SOS2: variants seen among roughly 807,000 people sequenced by gnomAD.
The protein encoded by SOS2 is SOS Ras/Rho guanine nucleotide exchange factor 2.
In SOS2, 65 loss-of-function variants were observed where a neutral mutation model predicts 148.2. The observed-to-expected ratio is 0.44, with a 90% CI of 0.36 to 0.54. SOS2 has a LOEUF of 0.54. SOS2 is among the 20% of genes least tolerant of loss of function. The probability of loss-of-function intolerance (pLI) is 0.00; values close to 1 mark genes in which losing one functional copy is unlikely to be tolerated. For missense variants in SOS2, 1,341 were observed against 1,590.2 expected (o/e 0.84, Z 2.67); for synonymous variants, 539 against 537.1 (o/e 1.00, Z -0.05).
intron 1 of SOS2, among the ~76,000 whole-genome samples, chr14:50,224,340 CA>C (rs1367366513): frequency 6.8e-6 from 1 of 146,064 alleles, no homozygotes; most frequent in Non-Finnish European, 1.5e-5. Context: ...CACACACACA[CA>C]CACACACACA....
chr14:50,188,947 C>T (rs1886015116), intron 4 of SOS2, among the ~76,000 whole-genome samples: 1 of 151,710 alleles, frequency 6.6e-6, no homozygotes, highest in African/African-American at 2.4e-5. Context: ...GCTTGTAATC[C>T]CAGCTATTTG....
chr14:50,174,949 C>T (rs1401382309), intron 7 of SOS2, among the ~76,000 whole-genome samples: 1 of 152,184 alleles, frequency 6.6e-6, no homozygotes, highest in Non-Finnish European at 1.5e-5. Flanking sequence ...TGATTTATAA[C>T]TATTTCACTA....
intron 3 of SOS2, 28 bp downstream of exon 3, chr14:50,200,925 C>T: frequency 6.2e-7 from 1 of 1,605,832 alleles, no homozygotes; most frequent in South Asian, 1.1e-5. Context: ...AAAGAACACC[C>T]CCCAACTAAT....
chr14:50,221,618 G>GA, intron 1 of SOS2, among the ~76,000 whole-genome samples: 1 of 152,170 alleles, frequency 6.6e-6, no homozygotes, highest in South Asian at 2.1e-4. Flanking sequence ...TAGCCTAGTG[G>GA]AAAAATACAT....
rs367829144 is a variant in SOS2 at position 50,220,405 on chromosome 14, C to CAAAAAAAAA, written c.87+10783_87+10791dup. ...TGGGCGACAGAGCGAGACTCCATCT[C>CAAAAAAAAA]AAAAAAAAAAAAAAAAAGAACAGAC... On this transcript the variant is annotated intron_variant, in intron 1 of 22. Coordinates refer to ENST00000216373, the MANE Select transcript of SOS2 (RefSeq NM_006939.4). Among the ~76,000 whole-genome samples the CAAAAAAAAA allele has an allele frequency of 1.1e-3, 32 of 30,444 alleles. 10 individuals carry two copies. The highest frequency in any genetic ancestry group is 1.3e-3 in the African/African-American group (9 of 6,926). The allele number at this position is 30,444 out of a possible 152,430, so 20.0% of individuals were successfully genotyped here.
chr14:50,192,593 G>A (rs1390412632), intron 4 of SOS2, among the ~76,000 whole-genome samples: 5 of 151,980 alleles, frequency 3.3e-5, no homozygotes, highest in Middle Eastern at 3.2e-3. Context: ...GCCAGGCGCA[G>A]TAGCTCATGC....
intron 5 of SOS2, among the ~76,000 whole-genome samples, chr14:50,185,574 C>T: frequency 6.6e-6 from 1 of 151,822 alleles, no homozygotes; most frequent in African/African-American, 2.4e-5. Context: ...CATCTCTAAT[C>T]CTAGCTACTC....
intron 1 of SOS2, among the ~76,000 whole-genome samples, chr14:50,226,147 A>C (rs140297431): frequency 2.0e-4 from 31 of 152,326 alleles, no homozygotes; most frequent in Non-Finnish European, 2.8e-4. Flanking sequence ...TTCCGTATCA[A>C]GAACAGTGTC....
chr14:50,129,553 T>G (rs1883799717), intron 21 of SOS2, among the ~76,000 whole-genome samples: 1 of 152,122 alleles, frequency 6.6e-6, no homozygotes, highest in African/African-American at 2.4e-5. Flanking sequence ...TCCGGCTAAT[T>G]TTTGTAATTT....
Position 50,200,943 on chromosome 14 carries a change from CT to C in SOS2, c.345+9del, listed in dbSNP as rs1263984037. 1.2e-6 allele frequency: 2 copies of C among 1,612,980 alleles called. No homozygotes were observed. The highest frequency in any genetic ancestry group is 2.2e-5 in the East Asian group (1 of 44,842). Reference sequence around the variant, plus strand: ...GAACACCCCCCAACTAATGTTTAATCTTTTGTTACCTTCAACGAAGGATGGA... The same window carrying C: ...GAACACCCCCCAACTAATGTTTAATCTTTGTTACCTTCAACGAAGGATGGA... On this transcript the variant is annotated intron_variant, in intron 3 of 22. Transcript: ENST00000216373.
rs1195949936 is a variant in SOS2 at position 50,178,670 on chromosome 14, GCATATATATATATATA to G, written c.969+1886_969+1901del. Among the ~76,000 whole-genome samples, 188 of 68,012 alleles carry G rather than the reference GCATATATATATATATA, an allele frequency of 2.8e-3. 3 individuals are homozygous for G. Among genetic ancestry groups the G allele is most frequent in the African/African-American group, 6.4e-3 (164 of 25,462 alleles). The allele number at this position is 68,012 out of a possible 152,430, so 44.6% of individuals were successfully genotyped here. ...CTAGTGTGTGTGTGTGTGTGTGTGT[GCATATATATATATATA>G]TATATATATATATATATATATATAT... is the stretch of plus-strand genomic sequence containing the variant. On this transcript the variant is annotated intron_variant, in intron 7 of 22. Coordinates refer to ENST00000216373, the MANE Select transcript of SOS2 (RefSeq NM_006939.4).
chr14:50,157,242 C>T, intron 11 of SOS2, 121 bp from the exon 12 acceptor site: 1 of 1,107,378 alleles, frequency 9.0e-7, no homozygotes, highest in Non-Finnish European at 1.3e-6. Flanking sequence ...TTAAACTTCC[C>T]TTGAGGTATG....
chr14:50,143,053 G>A (rs537369965), intron 16 of SOS2, among the ~76,000 whole-genome samples: 2 of 152,216 alleles, frequency 1.3e-5, no homozygotes, highest in South Asian at 4.1e-4. Flanking sequence ...ACGTCCTTAT[G>A]TCAAAGCATT....
At chr14:50,196,768 AAATT>A (rs1387140474) in intron 4 of SOS2, among the ~76,000 whole-genome samples, 4 of 152,352 alleles carry the variant, frequency 2.6e-5, no homozygotes, top group African/African-American at 7.2e-5. Context: ...ATAATTAAAT[AAATT>A]AATAAATAGG....
chr14:50,145,421 A>G, intron 15 of SOS2, 56 bp downstream of exon 15: 1 of 1,568,274 alleles, frequency 6.4e-7, no homozygotes, highest in East Asian at 2.2e-5. Context: ...ATTTTAGCTT[A>G]AATATGACTT....
intron 18 of SOS2, among the ~76,000 whole-genome samples, chr14:50,135,414 G>GA (rs1038731726): frequency 6.6e-6 from 1 of 150,762 alleles, no homozygotes; most frequent in African/African-American, 2.4e-5. Flanking sequence ...CAAAAAAAGA[G>GA]AAAAAAAGAA....
chr14:50,156,951 GTA>G (rs111550293), intron 12 of SOS2, 46 bp downstream of exon 12: 2 of 844,198 alleles, frequency 2.4e-6, no homozygotes, highest in Non-Finnish European at 3.7e-6. Context: ...GTGTGTGTGT[GTA>G]TATATATGTG....
At chr14:50,184,735 T>G (rs540328819) in intron 5 of SOS2, among the ~76,000 whole-genome samples, 1 of 151,950 alleles carries the variant, frequency 6.6e-6, no homozygotes, top group South Asian at 2.1e-4. Context: ...GGGTGGTATG[T>G]GCCTGTAGTC....
intron 1 of SOS2, among the ~76,000 whole-genome samples, chr14:50,223,192 A>G (rs1356927013): frequency 6.6e-6 from 1 of 152,194 alleles, no homozygotes; most frequent in Admixed American, 6.5e-5. Context: ...ACAAGTTTGC[A>G]GGGGAAGAAA....
Sources: allele counts gnomAD v4.1 joint callset (sites outside exome capture counted in the v4.1 genomes callset), GRCh38; gene constraint gnomAD v4.1.1; transcripts MANE v1.5; gene names NCBI Gene and HGNC (gene_info 2026-07-23, HGNC 2026-07-21).